FER1L6: variants seen among roughly 807,000 people sequenced by gnomAD.
FER1L6 encodes the protein fer-1 like family member 6, also known as fer-1-like protein 6.
In FER1L6, 177 loss-of-function variants were observed where a neutral mutation model predicts 219.2. The ratio of observed to expected loss-of-function variants is 0.81; its 90% confidence interval spans 0.71 to 0.91. The LOEUF (loss-of-function observed/expected upper bound fraction) is 0.91, where lower values mean the gene tolerates loss of function less well. Ranked by LOEUF, FER1L6 falls within the 40% of genes least tolerant of loss-of-function variation. FER1L6 has a pLI of 0.00. For synonymous variants in FER1L6, 768 were observed against 824.3 expected (o/e 0.93, Z 1.17); for missense variants, 2,153 against 2,259.9 (o/e 0.95, Z 0.96).
At chr8:123,957,074 C>T (rs1448083350) in intron 2 of FER1L6, among the ~76,000 whole-genome samples, 1 of 152,190 alleles carries the variant, frequency 6.6e-6, no homozygotes, top group Admixed American at 6.5e-5. Context: ...CATTCCTAAA[C>T]CAAAATGGTA....
At chr8:124,112,947 T>A (rs1326793062) in intron 39 of FER1L6, among the ~76,000 whole-genome samples, 1 of 152,196 alleles carries the variant, frequency 6.6e-6, no homozygotes, top group Non-Finnish European at 1.5e-5. Flanking sequence ...AGCACACATA[T>A]GTATACCATC....
chr8:123,866,756 C>T (rs1035053098), intron 1 of FER1L6, among the ~76,000 whole-genome samples: 7 of 151,924 alleles, frequency 4.6e-5, no homozygotes, highest in African/African-American at 1.7e-4. Context: ...TAGTGAGGAC[C>T]ACAGGTGCCT....
In FER1L6 at chr8:123,962,971, G is replaced by T. The variant is rs532058017; in HGVS notation, c.77-307G>T. On this transcript the variant is annotated intron_variant, in intron 2 of 40. Coordinates refer to ENST00000522917, the MANE Select transcript of FER1L6 (RefSeq NM_001039112.2). Reference sequence around the variant, plus strand: ...ATTTTTCTGGGGTCCCCTTGGGTGGGGGAGGGGGTTGCTTAGGATTTTATT... The same window carrying T: ...ATTTTTCTGGGGTCCCCTTGGGTGGTGGAGGGGGTTGCTTAGGATTTTATT... Among the ~76,000 whole-genome samples, 64 of 152,282 alleles carry T rather than the reference G, an allele frequency of 4.2e-4. No individual in the cohort carries two copies. The Middle Eastern group carries it at 0.014, about 32-fold the overall frequency.
chr8:123,933,414 A>G (rs1250353076), intron 1 of FER1L6, among the ~76,000 whole-genome samples: 1 of 147,672 alleles, frequency 6.8e-6, no homozygotes, highest in Non-Finnish European at 1.5e-5. Context: ...GTGTGTGTGT[A>G]GCCTCACACT....
intron 1 of FER1L6, among the ~76,000 whole-genome samples, chr8:123,944,639 T>C (rs1814403008): frequency 6.6e-6 from 1 of 152,170 alleles, no homozygotes; most frequent in Non-Finnish European, 1.5e-5. Context: ...TTGATACCCA[T>C]CTTACAGATG....
chr8:123,954,514 C>G (rs2130114525), intron 1 of FER1L6, among the ~76,000 whole-genome samples: 1 of 152,318 alleles, frequency 6.6e-6, no homozygotes, highest in Middle Eastern at 3.4e-3. Context: ...GAACATCTAT[C>G]TCCTAGAGCC....
intron 1 of FER1L6, among the ~76,000 whole-genome samples, chr8:123,947,244 TA>T (rs747145706): frequency 0.011 from 1,504 of 133,524 alleles, 4 homozygotes; most frequent in Middle Eastern, 0.026. Flanking sequence ...AGACTCAGTC[TA>T]AAAAAAAAAA....
At chr8:124,093,115 C>A (rs746626965) in intron 34 of FER1L6, among the ~76,000 whole-genome samples, 1 of 152,024 alleles carries the variant, frequency 6.6e-6, no homozygotes, top group Admixed American at 6.5e-5. Flanking sequence ...TGAGCCACCA[C>A]GCCTGGCAGT....
At chr8:124,089,824 C>A (rs542607739) in intron 33 of FER1L6, among the ~76,000 whole-genome samples, 1 of 152,244 alleles carries the variant, frequency 6.6e-6, no homozygotes, top group East Asian at 1.9e-4. Flanking sequence ...AGTTTTGTAA[C>A]CTGCTTGTTG....
At chr8:123,854,469 T>G (rs967103399) in intron 1 of FER1L6, among the ~76,000 whole-genome samples, 2 of 152,178 alleles carry the variant, frequency 1.3e-5, no homozygotes, top group African/African-American at 4.8e-5. Context: ...TCAACTCAAA[T>G]GTGAAACTTA....
chr8:124,109,423 T>A (rs1431768762), intron 39 of FER1L6, among the ~76,000 whole-genome samples: 2 of 152,178 alleles, frequency 1.3e-5, no homozygotes, highest in African/African-American at 4.8e-5. Context: ...TAGTCCCTAG[T>A]CCCTGCCAGC....
Position 123,876,452 on chromosome 8 carries a change from G to A in FER1L6, c.-8+24267G>A, listed in dbSNP as rs920200709. On this transcript the variant is annotated intron_variant, in intron 1 of 40. Coordinates refer to ENST00000522917, the MANE Select transcript of FER1L6 (RefSeq NM_001039112.2). Reference sequence around the variant, plus strand: ...TCCCATCACAGCTTCCCAAGTAGCCGGAACTACAGGCATGTGCCACCACAC... The same window carrying A: ...TCCCATCACAGCTTCCCAAGTAGCCAGAACTACAGGCATGTGCCACCACAC... Among the ~76,000 whole-genome samples the A allele has an allele frequency of 2.2e-4, 33 of 152,046 alleles. No individual in the cohort carries two copies. The East Asian group carries it at 4.3e-3, about 20-fold the overall frequency.
At chr8:123,873,056 G>A (rs1816950505) in intron 1 of FER1L6, among the ~76,000 whole-genome samples, 2 of 152,172 alleles carry the variant, frequency 1.3e-5, no homozygotes, top group Non-Finnish European at 2.9e-5. Context: ...CAGCAGGAGT[G>A]AAGGCAGGAC....
chr8:123,923,755 T>A (rs778377871), intron 1 of FER1L6, among the ~76,000 whole-genome samples: 18 of 151,974 alleles, frequency 1.2e-4, no homozygotes, highest in Admixed American at 2.6e-4. Flanking sequence ...ATGAGGAACC[T>A]AACTAACACC....
chr8:123,884,432 G>A (rs1037406591), intron 1 of FER1L6, among the ~76,000 whole-genome samples: 3 of 152,208 alleles, frequency 2.0e-5, no homozygotes, highest in African/African-American at 7.2e-5. Flanking sequence ...CCCATAACTT[G>A]GCTGGGGAGG....
At chr8:124,060,781 G>A (rs1159581592) in intron 24 of FER1L6, 72 bp downstream of exon 24, 9 of 1,476,622 alleles carry the variant, frequency 6.1e-6, no homozygotes, top group Non-Finnish European at 8.3e-6. Flanking sequence ...TAGGGTTTCA[G>A]ATGTCCACTA....
chr8:124,060,482 G>C lies in FER1L6; in HGVS notation c.2986-66G>C, dbSNP rs1204501678. The C allele has an allele frequency of 4.4e-6, 7 of 1,592,240 alleles. No individual in the cohort carries two copies. In the East Asian group the frequency reaches 1.3e-4, roughly 31 times the overall value. ...GGAGCAGGTCTAACTTTTCCACACA[G>C]AGCCAGGGCAGGTGTGGGGCTCCTC... On this transcript the variant is annotated intron_variant, in intron 23 of 40. Coordinates refer to ENST00000522917, the MANE Select transcript of FER1L6 (RefSeq NM_001039112.2).
At chr8:123,855,143 C>T (rs74352983) in intron 1 of FER1L6, among the ~76,000 whole-genome samples, 134 of 152,114 alleles carry the variant, frequency 8.8e-4, no homozygotes, top group Non-Finnish European at 1.6e-3. Context: ...CGAAGGTTGC[C>T]CAGGGGACAG....
intron 1 of FER1L6, among the ~76,000 whole-genome samples, chr8:123,870,686 G>A (rs74980797): frequency 0.01 from 1,540 of 152,288 alleles, 22 homozygotes; most frequent in African/African-American, 0.035. Flanking sequence ...CAAAGGAAAT[G>A]TTTTAGCGTG....
Sources: allele counts gnomAD v4.1 joint callset (sites outside exome capture counted in the v4.1 genomes callset), GRCh38; gene constraint gnomAD v4.1.1; transcripts MANE v1.5; gene names NCBI Gene and HGNC (gene_info 2026-07-23, HGNC 2026-07-21).